The following STEAP1B variants were observed in gnomAD, a reference collection of about 807,000 sequenced individuals.
STEAP1B encodes STEAP family protein MGC87042.
STEAP1B carries 13 observed loss-of-function variants against 27.9 expected under a neutral mutation model. The observed-to-expected ratio is 0.47, with a 90% CI of 0.30 to 0.74. The LOEUF (loss-of-function observed/expected upper bound fraction) is 0.74. Among genes scored for constraint, STEAP1B ranks in the 30% least tolerant of loss-of-function variants. The pLI, the probability that STEAP1B is intolerant of heterozygous loss-of-function variation, is 0.06. For synonymous variants in STEAP1B, 86 were observed against 107.1 expected (o/e 0.80, Z 1.22); for missense variants, 250 against 298.7 (o/e 0.84, Z 1.20).
At chr7:22,491,134 G>T (rs368654691) in intron 4 of STEAP1B, among the ~76,000 whole-genome samples, 2 of 152,270 alleles carry the variant, frequency 1.3e-5, no homozygotes, top group South Asian at 2.1e-4. Flanking sequence ...TTTAGAATTG[G>T]AGTATCTTTC....
intron 4 of STEAP1B, among the ~76,000 whole-genome samples, chr7:22,451,288 A>C (rs1785484406): frequency 1.2e-5 from 1 of 85,746 alleles, no homozygotes; most frequent in African/African-American, 5.3e-5. Context: ...TGAATTTATC[A>C]GTTTTAATAG....
At chr7:22,476,076 C>T (rs1785966619) in intron 4 of STEAP1B, among the ~76,000 whole-genome samples, 1 of 152,184 alleles carries the variant, frequency 6.6e-6, no homozygotes, top group Non-Finnish European at 1.5e-5. Context: ...AACTCAGCCT[C>T]CCAAAGCACC....
rs766967547 is a variant in STEAP1B at position 22,472,061 on chromosome 7, A to C, written c.762+20504T>G. On this transcript the variant is annotated intron_variant, in intron 4 of 4. Transcript: ENST00000678116. ...CTGGGTACTTAGGAAGATACCACCT[A>C]GGTAGAAACACCTTTAATAGATTCA... 1.8e-4 allele frequency among the ~76,000 whole-genome samples: 27 copies of C among 152,242 alleles called. No homozygotes were observed. In the Middle Eastern group the frequency reaches 9.5e-3, roughly 54 times the overall value.
intron 4 of STEAP1B, among the ~76,000 whole-genome samples, chr7:22,428,499 T>A (rs1024760325): frequency 7.6e-6 from 1 of 132,148 alleles, no homozygotes; most frequent in Non-Finnish European, 1.6e-5. Context: ...GAGAGGAAGA[T>A]GAGGGAGAGA....
At chr7:22,441,979 T>C (rs1444627296) in intron 4 of STEAP1B, among the ~76,000 whole-genome samples, 4 of 151,788 alleles carry the variant, frequency 2.6e-5, no homozygotes, top group African/African-American at 9.7e-5. Context: ...AGGTCCCAAA[T>C]TCTAGACCAT....
At chr7:22,446,071 T>A (rs1052709688) in intron 4 of STEAP1B, among the ~76,000 whole-genome samples, 1 of 152,244 alleles carries the variant, frequency 6.6e-6, no homozygotes, top group Admixed American at 6.5e-5. Flanking sequence ...AATGGTCAAC[T>A]GTAAATGCAG....
At chr7:22,420,893 G>C (rs759249319) in intron 4 of STEAP1B, among the ~76,000 whole-genome samples, 1 of 152,220 alleles carries the variant, frequency 6.6e-6, no homozygotes, top group Non-Finnish European at 1.5e-5. Context: ...AGAGAATAGG[G>C]AAATTATCCC....
chr7:22,429,407 A>C (rs548876758), intron 4 of STEAP1B, among the ~76,000 whole-genome samples: 9 of 152,330 alleles, frequency 5.9e-5, no homozygotes, highest in African/African-American at 2.2e-4. Context: ...CATTTTTTTC[A>C]GAAGAATACA....
At chr7:22,456,922 C>T (rs1434325020) in intron 4 of STEAP1B, among the ~76,000 whole-genome samples, 1 of 132,488 alleles carries the variant, frequency 7.5e-6, no homozygotes, top group African/African-American at 2.9e-5. Flanking sequence ...CCGCAGACCA[C>T]CTGATTCAGA....
chr7:22,467,369 C>T (rs1785803291), intron 4 of STEAP1B, among the ~76,000 whole-genome samples: 1 of 152,196 alleles, frequency 6.6e-6, no homozygotes, highest in Non-Finnish European at 1.5e-5. Flanking sequence ...GGCTGGATCT[C>T]TGGGGGTGCT....
chr7:22,464,697 T>C (rs1435943230), intron 4 of STEAP1B, among the ~76,000 whole-genome samples: 3 of 151,358 alleles, frequency 2.0e-5, no homozygotes, highest in Non-Finnish European at 4.4e-5. Flanking sequence ...AAAAAACCCA[T>C]GGAAGAACAC....
chr7:22,499,121 G>A (rs1486157486), intron 1 of STEAP1B, among the ~76,000 whole-genome samples: 1 of 152,170 alleles, frequency 6.6e-6, no homozygotes, highest in Admixed American at 6.5e-5. Flanking sequence ...CCCAGAATTC[G>A]ACCCAAAGTT....
chr7:22,461,158 T>C (rs1406713567), intron 4 of STEAP1B, among the ~76,000 whole-genome samples: 1 of 152,172 alleles, frequency 6.6e-6, no homozygotes, highest in African/African-American at 2.4e-5. Flanking sequence ...ATAGGAACAC[T>C]AGACTATGAT....
intron 4 of STEAP1B, among the ~76,000 whole-genome samples, chr7:22,420,570 G>C (rs904977119): frequency 1.3e-5 from 2 of 152,248 alleles, no homozygotes; most frequent in East Asian, 3.8e-4. Context: ...TTCTTCCAGA[G>C]AGCTGGTTAT....
intron 1 of STEAP1B, among the ~76,000 whole-genome samples, chr7:22,495,752 C>A (rs1446763845): frequency 6.6e-6 from 1 of 151,958 alleles, no homozygotes. Context: ...TTTTAGACCA[C>A]GTGTAGTACT....
intron 4 of STEAP1B, among the ~76,000 whole-genome samples, chr7:22,463,491 T>A (rs181843299): frequency 6.6e-6 from 1 of 152,294 alleles, no homozygotes; most frequent in African/African-American, 2.4e-5. Flanking sequence ...AGAGCCTGCA[T>A]CGCCAAGTCA....
rs551332101 is a variant in STEAP1B at position 22,419,555 on chromosome 7, G to A, written c.*249C>T. The A allele has an allele frequency of 5.4e-5, 18 of 330,480 alleles. No homozygotes were observed. The highest frequency in any genetic ancestry group is 7.8e-4 in the Middle Eastern group (1 of 1,278). 20.5% of individuals were successfully genotyped at this position (330,480 alleles called of 1,614,324 possible). A position where few individuals can be genotyped will look rare whatever the true frequency, so the allele number is the denominator to read the frequency against. On this transcript the variant is annotated 3_prime_UTR_variant, in exon 5 of 5. Coordinates refer to ENST00000678116, the MANE Select transcript of STEAP1B (RefSeq NM_001382447.1). ...GTCGGGATAGGCTAGGTTAGGCTCC[G>A]TAACAACCAACACAATCTCAGTGGA...
At chr7:22,450,189 C>T (rs138632945) in intron 4 of STEAP1B, among the ~76,000 whole-genome samples, 1 of 146,614 alleles carries the variant, frequency 6.8e-6, no homozygotes, top group Non-Finnish European at 1.5e-5. Flanking sequence ...TGGAGTATTA[C>T]TCAAGTGCTT....
At chr7:22,464,854 C>A (rs1479767387) in intron 4 of STEAP1B, among the ~76,000 whole-genome samples, 2 of 147,430 alleles carry the variant, frequency 1.4e-5, no homozygotes, top group Non-Finnish European at 3.0e-5. Context: ...CTATGGCAAC[C>A]CTAGCAAACT....
Sources: gnomAD v4.1 joint callset for allele counts (sites outside exome capture counted in the v4.1 genomes callset) on GRCh38, gnomAD v4.1.1 for gene constraint, MANE v1.5 for transcripts, NCBI Gene and HGNC (gene_info 2026-07-23, HGNC 2026-07-21) for gene names.